CFAP206: variants seen among roughly 807,000 people sequenced by gnomAD.
The protein encoded by CFAP206 is cilia- and flagella-associated protein 206.
In CFAP206, 53 loss-of-function variants were observed where a neutral mutation model predicts 65.4. The ratio of observed to expected loss-of-function variants is 0.81; its 90% CI spans 0.65 to 1.02. The LOEUF is 1.02. Ranked by LOEUF, CFAP206 falls within the 50% of genes least tolerant of loss-of-function variation. The pLI, the probability that CFAP206 is intolerant of heterozygous loss-of-function variation, is 0.00. For missense variants in CFAP206, 663 were observed against 753.2 expected (o/e 0.88, Z 1.40); for synonymous variants, 250 against 254.4 (o/e 0.98, Z 0.17).
chr6:87,415,998 ATC>A, intron 5 of CFAP206, 124 bp downstream of exon 5: 9 of 715,870 alleles, frequency 1.3e-5, no homozygotes, highest in East Asian at 3.1e-5. Flanking sequence ...AAAAAAAAAA[ATC>A]AGCACAAATG....
chr6:87,449,252 T>G (rs796648037), intron 11 of CFAP206, among the ~76,000 whole-genome samples: 1 of 151,904 alleles, frequency 6.6e-6, no homozygotes, highest in South Asian at 2.1e-4. Flanking sequence ...CTGGCTAACA[T>G]GGTGAAACCC....
At chr6:87,423,729 GA>G (rs556581257) in intron 7 of CFAP206, among the ~76,000 whole-genome samples, 17 of 152,122 alleles carry the variant, frequency 1.1e-4, no homozygotes, top group African/African-American at 3.9e-4. Context: ...AAGCAAGGGG[GA>G]AAAAACTCTA....
In CFAP206 at chr6:87,449,436, C is replaced by CAAAA. The variant is rs34540279; in HGVS notation, c.1495-11564_1495-11561dup. Among the ~76,000 whole-genome samples the CAAAA allele has an allele frequency of 5.4e-3, 284 of 53,022 alleles. 10 individuals carry two copies. The highest frequency in any genetic ancestry group is 0.017 in the African/African-American group (275 of 15,742). The allele number at this position is 53,022 out of a possible 152,430, so 34.8% of individuals were successfully genotyped here. On this transcript the variant is annotated intron_variant, in intron 11 of 12. Coordinates refer to ENST00000369562, the MANE Select transcript of CFAP206 (RefSeq NM_001031743.3). ...TGGGTGACAGAGTGAGACTCCATCT[C>CAAAA]AAAAAAAAAAAAAAAAAAAAAAAAA... is the stretch of plus-strand genomic sequence containing the variant.
chr6:87,447,078 C>T (rs1768457269), intron 11 of CFAP206, among the ~76,000 whole-genome samples: 1 of 152,068 alleles, frequency 6.6e-6, no homozygotes, highest in African/African-American at 2.4e-5. Context: ...TGCTTATTAC[C>T]TTGAGAAGCT....
chr6:87,458,101 C>T (rs1402087095), intron 11 of CFAP206, among the ~76,000 whole-genome samples: 2 of 151,994 alleles, frequency 1.3e-5, no homozygotes, highest in African/African-American at 4.8e-5. Flanking sequence ...CAGGGAAATG[C>T]AAATCAAAAC....
At chr6:87,423,867 AT>A (rs143374220) in intron 7 of CFAP206, among the ~76,000 whole-genome samples, 6,129 of 152,288 alleles carry the variant, frequency 0.04, 413 homozygotes, top group African/African-American at 0.14. Context: ...ACATTTATGA[AT>A]AAAAATTTGT....
chr6:87,417,633 A>G (rs1767856011), intron 6 of CFAP206, among the ~76,000 whole-genome samples: 1 of 151,896 alleles, frequency 6.6e-6, no homozygotes. Context: ...CACATGGTTA[A>G]CAACACATAA....
intron 2 of CFAP206, 120 bp from the exon 3 acceptor site, chr6:87,410,465 C>T: frequency 1.3e-6 from 1 of 779,662 alleles, no homozygotes. Context: ...GGAAAACCAA[C>T]CCCAACGTAA....
intron 8 of CFAP206, among the ~76,000 whole-genome samples, chr6:87,426,966 T>A (rs1177569491): frequency 6.6e-6 from 1 of 152,166 alleles, no homozygotes; most frequent in African/African-American, 2.4e-5. Context: ...TTGCCTCCAG[T>A]ACAGAGATGA....
intron 11 of CFAP206, chr6:87,436,105 T>TA (rs1768263919): frequency 1.5e-5 from 2 of 131,714 alleles, no homozygotes; most frequent in Non-Finnish European, 3.3e-5. Flanking sequence ...TTTTTTTTTT[T>TA]AACCAAGTCT....
intron 11 of CFAP206, among the ~76,000 whole-genome samples, chr6:87,459,031 G>C (rs1768698528): frequency 1.3e-5 from 2 of 151,958 alleles, no homozygotes; most frequent in Admixed American, 1.3e-4. Flanking sequence ...AGAGTTCCTG[G>C]AGCTGATAAT....
chr6:87,411,759 T>C (rs1174735421), intron 3 of CFAP206, among the ~76,000 whole-genome samples: 1 of 152,252 alleles, frequency 6.6e-6, no homozygotes, highest in Non-Finnish European at 1.5e-5. Context: ...GCACCATTTA[T>C]TGAATAGGAT....
intron 11 of CFAP206, among the ~76,000 whole-genome samples, chr6:87,457,244 T>A (rs1349906068): frequency 1.3e-5 from 2 of 151,830 alleles, no homozygotes; most frequent in Non-Finnish European, 2.9e-5. Flanking sequence ...TTCATACTAC[T>A]CAAGCATCTA....
chr6:87,446,623 T>G lies in CFAP206; in HGVS notation c.1494+11570T>G, dbSNP rs977476790. 3.4e-4 allele frequency among the ~76,000 whole-genome samples: 52 copies of G among 152,176 alleles called. 1 individual carries two copies. The highest frequency in any genetic ancestry group is 1.1e-3 in the African/African-American group (45 of 41,456). ...GGCTGCAGTATAGTTTGAAATTGGGTAGCATGATGCCTTCCGCTCTGTTCT... is the reference window on the plus strand; with the variant it reads ...GGCTGCAGTATAGTTTGAAATTGGGGAGCATGATGCCTTCCGCTCTGTTCT... On this transcript the variant is annotated intron_variant, in intron 11 of 12. Coordinates refer to ENST00000369562, the MANE Select transcript of CFAP206 (RefSeq NM_001031743.3).
chr6:87,457,776 G>C (rs1768674128), intron 11 of CFAP206, among the ~76,000 whole-genome samples: 1 of 152,152 alleles, frequency 6.6e-6, no homozygotes, highest in Non-Finnish European at 1.5e-5. Flanking sequence ...AAGATTTCTT[G>C]GGTCATTCCC....
chr6:87,408,917 C>G (rs1166835867), intron 1 of CFAP206: 3 of 152,136 alleles, frequency 2.0e-5, no homozygotes, highest in African/African-American at 7.2e-5. Flanking sequence ...CTGATATTGC[C>G]TTTGTTATAC....
intron 8 of CFAP206, 125 bp downstream of exon 8, chr6:87,426,770 T>C: frequency 2.6e-6 from 2 of 783,670 alleles, no homozygotes; most frequent in Non-Finnish European, 1.8e-6. Context: ...AAATTGATCC[T>C]GTTCTTTATG....
At chr6:87,416,162 G>C (rs955257203) in intron 5 of CFAP206, among the ~76,000 whole-genome samples, 1 of 152,140 alleles carries the variant, frequency 6.6e-6, no homozygotes, top group African/African-American at 2.4e-5. Flanking sequence ...TAGTAGGATT[G>C]AGGGTACCAG....
intron 11 of CFAP206, among the ~76,000 whole-genome samples, chr6:87,440,823 T>G (rs1315391632): frequency 6.6e-6 from 1 of 152,184 alleles, no homozygotes; most frequent in Non-Finnish European, 1.5e-5. Flanking sequence ...TGGGTGGTAC[T>G]TGGAGAAATA....
Sources: allele counts gnomAD v4.1 joint callset (sites outside exome capture counted in the v4.1 genomes callset), GRCh38; gene constraint gnomAD v4.1.1; transcripts MANE v1.5; gene names NCBI Gene and HGNC (gene_info 2026-07-23, HGNC 2026-07-21).